The following DLC1 variants were observed in gnomAD, a reference collection of about 807,000 sequenced individuals.
The protein encoded by DLC1 is DLC1 Rho GTPase activating protein.
A neutral mutation model predicts 140.3 loss-of-function variants in DLC1; 54 were observed. That is an observed-to-expected ratio of 0.38 (90% confidence interval 0.31 to 0.48). DLC1 has a LOEUF of 0.48. Among genes scored for constraint, DLC1 ranks in the 20% least tolerant of loss-of-function variants. The pLI is 0.96. For missense variants in DLC1, 2,536 were observed against 1,907.0 expected, an observed-to-expected ratio of 1.33 and a Z score of -6.14; for synonymous variants, 986 against 728.1, an observed-to-expected ratio of 1.35 and a Z score of -5.70.
At chr8:13,251,416 A>G (rs1384210896) in intron 5 of DLC1, among the ~76,000 whole-genome samples, 1 of 152,168 alleles carries the variant, frequency 6.6e-6, no homozygotes, top group African/African-American at 2.4e-5. Context: ...TCTGGTATCA[A>G]TTTGGGATTT....
intron 7 of DLC1, among the ~76,000 whole-genome samples, chr8:13,104,781 A>C (rs1432552911): frequency 6.6e-6 from 1 of 152,232 alleles, no homozygotes; most frequent in African/African-American, 2.4e-5. Context: ...CTGTTTATAG[A>C]ATAAATAAAG....
chr8:13,573,935 C>G (rs1321472309), intron 1 of DLC1, among the ~76,000 whole-genome samples: 1 of 152,094 alleles, frequency 6.6e-6, no homozygotes, highest in Non-Finnish European at 1.5e-5. Context: ...TGTAGAGACT[C>G]CCTCCATCAT....
At chr8:13,316,337 G>A (rs1024240214) in intron 4 of DLC1, among the ~76,000 whole-genome samples, 1 of 152,116 alleles carries the variant, frequency 6.6e-6, no homozygotes, top group Admixed American at 6.5e-5. Flanking sequence ...AGTATATACA[G>A]AGTCATAGGT....
At chr8:13,587,568 C>CACACAG (rs1297735026) in intron 1 of DLC1, among the ~76,000 whole-genome samples, 1 of 144,372 alleles carries the variant, frequency 6.9e-6, no homozygotes, top group African/African-American at 2.5e-5. Flanking sequence ...CACACACACA[C>CACACAG]AGAGAGAGAG....
At chr8:13,147,117 T>C (rs1823490744) in intron 5 of DLC1, among the ~76,000 whole-genome samples, 1 of 152,204 alleles carries the variant, frequency 6.6e-6, no homozygotes. Context: ...CAAAAAAATA[T>C]TCTTTGTCCT....
chr8:13,488,394 A>T (rs1801068192), intron 2 of DLC1, among the ~76,000 whole-genome samples: 1 of 152,256 alleles, frequency 6.6e-6, no homozygotes, highest in Admixed American at 6.5e-5. Context: ...AATTAGCTAT[A>T]AAGCCAGCAT....
chr8:13,578,546 C>T (rs1487271869), intron 1 of DLC1, among the ~76,000 whole-genome samples: 2 of 152,068 alleles, frequency 1.3e-5, no homozygotes, highest in Non-Finnish European at 1.5e-5. Context: ...ATTCCTATAG[C>T]AGGTAATATT....
intron 10 of DLC1, among the ~76,000 whole-genome samples, chr8:13,096,832 C>T (rs951664716): frequency 2.6e-5 from 4 of 152,142 alleles, no homozygotes; most frequent in South Asian, 2.1e-4. Context: ...ATGAAATGGG[C>T]GGCTTCTCCA....
chr8:13,570,096 T>G (rs2117409800), intron 1 of DLC1, among the ~76,000 whole-genome samples: 1 of 152,334 alleles, frequency 6.6e-6, no homozygotes, highest in African/African-American at 2.4e-5. Context: ...AACAAAACTC[T>G]AAGTTGTTTA....
chr8:13,392,371 T>G (rs1275230769), intron 4 of DLC1, among the ~76,000 whole-genome samples: 1 of 152,224 alleles, frequency 6.6e-6, no homozygotes, highest in Non-Finnish European at 1.5e-5. Context: ...TAAAAATGTT[T>G]TAGATATAAA....
intron 5 of DLC1, among the ~76,000 whole-genome samples, chr8:13,142,234 T>G (rs547796482): frequency 3.3e-5 from 5 of 152,344 alleles, no homozygotes; most frequent in African/African-American, 1.2e-4. Flanking sequence ...TTACCCAGTC[T>G]TGGGTATTTC....
intron 5 of DLC1, among the ~76,000 whole-genome samples, chr8:13,228,894 T>C (rs1337533073): frequency 6.6e-6 from 1 of 152,196 alleles, no homozygotes; most frequent in Non-Finnish European, 1.5e-5. Context: ...CAGATGCCAC[T>C]TGACACCTAC....
intron 2 of DLC1, among the ~76,000 whole-genome samples, chr8:13,479,179 G>A (rs896546306): frequency 1.7e-4 from 26 of 152,190 alleles, no homozygotes; most frequent in African/African-American, 6.3e-4. Flanking sequence ...AGAGTGCTCA[G>A]TACATTTTAA....
chr8:13,360,086 G>A lies in DLC1; in HGVS notation c.1314+33467C>T, dbSNP rs138007867. ...TCTTTCTTTGCCTATCCCCACAGGA[G>A]ACAGACAAGCTGGGTTCAAGCAAGC... On this transcript the variant is annotated intron_variant, in intron 4 of 17. Transcript: ENST00000276297. Among the ~76,000 whole-genome samples, 711 of 152,332 alleles carry A rather than the reference G, an allele frequency of 4.7e-3. 7 individuals are homozygous for A. Among genetic ancestry groups the A allele is most frequent in the Middle Eastern group, 0.02 (6 of 294 alleles).
chr8:13,439,630 C>T (rs1385668002), intron 2 of DLC1, among the ~76,000 whole-genome samples: 5 of 152,096 alleles, frequency 3.3e-5, no homozygotes, highest in Non-Finnish European at 5.9e-5. Context: ...ATCCTTTCAT[C>T]GATAAAATCT....
At chr8:13,501,612 C>G (rs1278244733) in intron 1 of DLC1, among the ~76,000 whole-genome samples, 2 of 152,190 alleles carry the variant, frequency 1.3e-5, no homozygotes, top group African/African-American at 4.8e-5. Context: ...TGACTAAGCA[C>G]ATGCCTGAGA....
chr8:13,511,418 G>C (rs1802360258), intron 1 of DLC1, among the ~76,000 whole-genome samples: 1 of 151,788 alleles, frequency 6.6e-6, no homozygotes, highest in East Asian at 1.9e-4. Context: ...TTTTAACTGG[G>C]CCTCAAGGTC....
chr8:13,475,242 T>G (rs1336481008), intron 2 of DLC1, among the ~76,000 whole-genome samples: 1 of 152,264 alleles, frequency 6.6e-6, no homozygotes, highest in African/African-American at 2.4e-5. Flanking sequence ...GGTTGAATTT[T>G]GTTAAAACAG....
At chr8:13,519,780 GAAA>G (rs1288824576), upstream of DLC1, among the ~76,000 whole-genome samples, 5 of 151,858 alleles carry the variant, frequency 3.3e-5, no homozygotes, top group Non-Finnish European at 7.4e-5. Flanking sequence ...AAATTTACAA[GAAA>G]AAAACAACCC....
Sources: gnomAD v4.1 joint callset for allele counts (sites outside exome capture counted in the v4.1 genomes callset) on GRCh38, gnomAD v4.1.1 for gene constraint, MANE v1.5 for transcripts, NCBI Gene and HGNC (gene_info 2026-07-23, HGNC 2026-07-21) for gene names.